GPATCH8: variants seen among roughly 807,000 people sequenced by gnomAD.
GPATCH8 encodes the protein G-patch domain containing 8.
A neutral mutation model predicts 118.3 loss-of-function variants in GPATCH8; 18 were observed. The observed-to-expected ratio is 0.15, with a 90% confidence interval of 0.11 to 0.23. The LOEUF is 0.23. Ranked by LOEUF, GPATCH8 falls within the 10% of genes least tolerant of loss-of-function variation. GPATCH8 has a pLI of 1.00. For missense variants in GPATCH8, 1,631 were observed against 1,873.8 expected, an observed-to-expected ratio of 0.87 and a Z score of 2.39; for synonymous variants, 659 against 684.7, an observed-to-expected ratio of 0.96 and a Z score of 0.59.
intron 7 of GPATCH8, 64 bp downstream of exon 7, chr17:44,405,857 C>G (rs1190761314): frequency 8.6e-7 from 1 of 1,161,250 alleles, no homozygotes; most frequent in East Asian, 2.4e-5. Flanking sequence ...AATCTGAAAT[C>G]TATAATTTAA....
chr17:44,420,333 C>T (rs1180245275), intron 6 of GPATCH8, among the ~76,000 whole-genome samples: 5 of 152,126 alleles, frequency 3.3e-5, no homozygotes, highest in African/African-American at 1.2e-4. Flanking sequence ...TTTGTTTGTA[C>T]TAAGGTCAAA....
In GPATCH8 at chr17:44,503,383, A is replaced by T; in HGVS notation, c.-13T>A. The T allele has an allele frequency of 1.2e-6, 2 of 1,602,996 alleles. No individual in the cohort carries two copies. The highest frequency in any genetic ancestry group is 1.7e-6 in the Non-Finnish European group (2 of 1,175,006). ...AGCGGTCCGCCATTTTGCCGCCTTC[A>T]CTCCTCTCAGGACGACGCTCTCCGG... On this transcript the variant is annotated 5_prime_UTR_variant, in exon 1 of 8. Transcript: ENST00000591680.
chr17:44,453,151 G>C (rs987407743), intron 3 of GPATCH8, among the ~76,000 whole-genome samples: 19 of 152,170 alleles, frequency 1.2e-4, no homozygotes, highest in African/African-American at 4.6e-4. Context: ...TCTTCTGGCT[G>C]TAAGTCTATA....
intron 3 of GPATCH8, among the ~76,000 whole-genome samples, chr17:44,460,590 T>C (rs1445544868): frequency 1.3e-5 from 2 of 152,146 alleles, no homozygotes; most frequent in Admixed American, 6.6e-5. Flanking sequence ...GTCAAAATAA[T>C]TTTTAAAGCT....
intron 1 of GPATCH8, 52 bp from the exon 2 acceptor site, chr17:44,474,955 T>C (rs1158795906): frequency 1.2e-6 from 1 of 849,802 alleles, no homozygotes; most frequent in South Asian, 1.4e-5. Context: ...GTGTCAAATC[T>C]ATTAACAGCT....
chr17:44,490,421 C>T (rs1969155595), intron 1 of GPATCH8, among the ~76,000 whole-genome samples: 1 of 152,074 alleles, frequency 6.6e-6, no homozygotes, highest in South Asian at 2.1e-4. Flanking sequence ...TCCTATATTA[C>T]AGCATTCCTA....
In GPATCH8 at chr17:44,405,970, CT is replaced by C; in HGVS notation, c.573del (p.Ala192ProfsTer32). On this transcript the variant is annotated frameshift_variant, in exon 7 of 8. Coordinates refer to ENST00000591680, the MANE Select transcript of GPATCH8 (RefSeq NM_001002909.4). LOFTEE classifies it high-confidence loss of function. Reference sequence around the variant, plus strand: ...GCCAACTCATGGAGCCGCCGAAGGGCTTTTTCCTGTTTTTTCTCATCCTTGC... The same window carrying C: ...GCCAACTCATGGAGCCGCCGAAGGGCTTTTCCTGTTTTTTCTCATCCTTGC... ...RSRKDEKKQE[K>X]ALRRLHELAE... The C allele has an allele frequency of 6.2e-7, 1 of 1,612,210 alleles. No homozygotes were observed. The highest frequency in any genetic ancestry group is 8.5e-7 in the Non-Finnish European group (1 of 1,178,238).
chr17:44,494,282 CCTT>C lies in GPATCH8; in HGVS notation c.45+9041_45+9043del, dbSNP rs548478930. Among the ~76,000 whole-genome samples the C allele has an allele frequency of 2.1e-3, 314 of 152,184 alleles. 1 individual carries two copies. Among genetic ancestry groups the C allele is most frequent in the Non-Finnish European group, 3.2e-3 (218 of 67,992 alleles). On this transcript the variant is annotated intron_variant, in intron 1 of 7. Transcript: ENST00000591680. ...CACTCCCAGAAGTCCTCATTCATCT[CCTT>C]ACCACGCTTAAAATCACATGGTCCG...
At chr17:44,436,243 C>A (rs560619532) in intron 4 of GPATCH8, among the ~76,000 whole-genome samples, 4 of 151,992 alleles carry the variant, frequency 2.6e-5, no homozygotes, top group Non-Finnish European at 5.9e-5. Flanking sequence ...GTATAACCCT[C>A]GGCAAATCAC....
At chr17:44,403,309 G>A (rs1436132466) in intron 7 of GPATCH8, among the ~76,000 whole-genome samples, 2 of 152,062 alleles carry the variant, frequency 1.3e-5, no homozygotes, top group Non-Finnish European at 2.9e-5. Context: ...TCTTGGCCTC[G>A]TGATCCACCT....
intron 1 of GPATCH8, among the ~76,000 whole-genome samples, chr17:44,481,650 A>C (rs1968251601): frequency 6.6e-6 from 1 of 152,234 alleles, no homozygotes; most frequent in Non-Finnish European, 1.5e-5. Context: ...CTGTACATGT[A>C]AATGGGCGAA....
Position 44,396,195 on chromosome 17 carries a change from C to A in GPATCH8, c.*1373G>T, listed in dbSNP as rs1184848363. ...GCTAAGTACTAGGAAGGCAAATGGA[C>A]TGACTGCCTGGAACAAGGTACCCAG... On this transcript the variant is annotated 3_prime_UTR_variant, in exon 8 of 8. Transcript: ENST00000591680. 2.2e-6 allele frequency: 1 copy of A among 454,374 alleles called. No individual in the cohort carries two copies. 28.1% of individuals were successfully genotyped at this position (454,374 alleles called of 1,614,324 possible). A position where few individuals can be genotyped will look rare whatever the true frequency, so the allele number is the denominator to read the frequency against.
At chr17:44,409,838 C>T (rs929919755) in intron 6 of GPATCH8, among the ~76,000 whole-genome samples, 8 of 152,168 alleles carry the variant, frequency 5.3e-5, no homozygotes, top group Non-Finnish European at 7.4e-5. Context: ...TAATCAACCC[C>T]GCAGTGCACA....
In GPATCH8 at chr17:44,398,854, CTCT is replaced by C. The variant is rs1273405058; in HGVS notation, c.3220_3222del (p.Arg1074del). 1 of 1,613,940 alleles carries C rather than the reference CTCT, an allele frequency of 6.2e-7. No homozygotes were observed. The highest frequency in any genetic ancestry group is 8.5e-7 in the Non-Finnish European group (1 of 1,179,808). On this transcript the variant is annotated inframe_deletion, in exon 8 of 8. Coordinates refer to ENST00000591680, the MANE Select transcript of GPATCH8 (RefSeq NM_001002909.4). ...TCAGGACTGCAGTCACCTTCTGACC[CTCT>C]TCCTGTGCCAATGTTGCTGTTCTGG...
rs1420779293 is a variant in GPATCH8 at position 44,424,490 on chromosome 17, A to G, written c.351T>C (p.Asp117=). The G allele has an allele frequency of 5.6e-6, 9 of 1,605,084 alleles. No individual in the cohort carries two copies. The highest frequency in any genetic ancestry group is 7.7e-6 in the Non-Finnish European group (9 of 1,172,138). The part of the protein sequence containing the change: ...DTEELRQKYK[D]YVDKEKAIAK... ...CAATTGCCTTCTCTTTGTCAACATA[A>G]TCCTTCAAGACCCATGAAATACAAA... Residue 117 remains aspartate, a splice_region_variant and synonymous_variant, in exon 6 of 8, where the codon GAT becomes GAC. Transcript: ENST00000591680.
intron 6 of GPATCH8, among the ~76,000 whole-genome samples, chr17:44,422,421 C>T (rs1012192336): frequency 7.2e-5 from 11 of 152,058 alleles, no homozygotes; most frequent in African/African-American, 2.4e-4. Flanking sequence ...AACTCCTGGG[C>T]TCAAGTGATC....
chr17:44,427,527 C>T (rs2050132609), intron 5 of GPATCH8, among the ~76,000 whole-genome samples: 1 of 151,878 alleles, frequency 6.6e-6, no homozygotes, highest in South Asian at 2.1e-4. Flanking sequence ...GTAACATATA[C>T]ATATAACTAT....
chr17:44,411,127 G>C (rs1251335106), intron 6 of GPATCH8, among the ~76,000 whole-genome samples: 1 of 152,228 alleles, frequency 6.6e-6, no homozygotes, highest in Non-Finnish European at 1.5e-5. Context: ...GACTTCAAGA[G>C]CAGAAACATT....
At chr17:44,444,063 T>C (rs1477232367) in intron 3 of GPATCH8, among the ~76,000 whole-genome samples, 2 of 152,146 alleles carry the variant, frequency 1.3e-5, no homozygotes, top group African/African-American at 2.4e-5. Flanking sequence ...CCATCTAGGA[T>C]AAAATAGTTC....
Sources: gnomAD v4.1 joint callset for allele counts (sites outside exome capture counted in the v4.1 genomes callset) on GRCh38, gnomAD v4.1.1 for gene constraint, MANE v1.5 for transcripts, NCBI Gene and HGNC (gene_info 2026-07-23, HGNC 2026-07-21) for gene names.